ALK: variants seen among roughly 807,000 people sequenced by gnomAD.
ALK encodes ALK receptor tyrosine kinase.
Under a neutral mutation model 163.1 loss-of-function variants are expected in ALK, and 74 were observed. The ratio of observed to expected loss-of-function variants is 0.45; its 90% CI spans 0.38 to 0.55. The LOEUF (loss-of-function observed/expected upper bound fraction) is 0.55, where lower values mean the gene tolerates loss of function less well. ALK is among the 20% of genes least tolerant of loss of function. ALK has a pLI of 0.00. For synonymous variants in ALK, 960 were observed against 843.2 expected, an observed-to-expected ratio of 1.14 and a Z score of -2.40; for missense variants, 2,063 against 2,105.3, an observed-to-expected ratio of 0.98 and a Z score of 0.39.
At position 29,193,392 on chromosome 2, in the gene ALK, A is replaced by G. The variant is rs766990201; in HGVS notation, c.4695T>C (p.Asn1565=). 8 of 1,614,058 alleles carry G rather than the reference A, an allele frequency of 5.0e-6. No individual in the cohort carries two copies. The African/African-American group carries it at 6.7e-5, about 13-fold the overall frequency. The change falls in exon 29 of 29, where the codon AAT becomes AAC. Residue 1565 remains asparagine (N), a synonymous_variant. Transcript: ENST00000389048. ...GCCTGAACAGAGGTACCTCCTTCATATTGGCAGTCAGCGAAGAGGGCTCTA... is the reference window on the plus strand; with the variant it reads ...GCCTGAACAGAGGTACCTCCTTCATGTTGGCAGTCAGCGAAGAGGGCTCTA... The part of the protein sequence containing the change: ...LLLEPSSLTA[N]MKEVPLFRLR...
chr2:29,807,819 GC>G (rs1664659035), intron 1 of ALK, among the ~76,000 whole-genome samples: 1 of 152,228 alleles, frequency 6.6e-6, no homozygotes, highest in African/African-American at 2.4e-5. Context: ...TTTGGGAAAT[GC>G]TTTCCATAAC....
At chr2:29,612,798 C>T (rs72780267) in intron 3 of ALK, among the ~76,000 whole-genome samples, 1,815 of 152,266 alleles carry the variant, frequency 0.012, 13 homozygotes, top group Non-Finnish European at 0.019. Context: ...GAAGAGGTGA[C>T]AGAAAGAGGC....
intron 5 of ALK, among the ~76,000 whole-genome samples, chr2:29,343,839 C>G (rs1667871218): frequency 1.3e-5 from 2 of 152,276 alleles, no homozygotes; most frequent in Admixed American, 1.3e-4. Context: ...ACTGGCAGGT[C>G]CCCAGGTACA....
At chr2:29,407,216 A>G (rs148671003) in intron 4 of ALK, among the ~76,000 whole-genome samples, 25 of 152,346 alleles carry the variant, frequency 1.6e-4, no homozygotes, top group Admixed American at 2.0e-4. Context: ...GTTTTCTGCC[A>G]GGTTCAACCA....
At chr2:29,896,233 G>A (rs531540115) in intron 1 of ALK, among the ~76,000 whole-genome samples, 2 of 152,254 alleles carry the variant, frequency 1.3e-5, no homozygotes, top group Admixed American at 1.3e-4. Flanking sequence ...GGAGACTTAA[G>A]GTACGAAGAA....
At chr2:29,875,087 A>C (rs1666669783) in intron 1 of ALK, among the ~76,000 whole-genome samples, 1 of 152,260 alleles carries the variant, frequency 6.6e-6, no homozygotes, top group South Asian at 2.1e-4. Flanking sequence ...AGAATTATTC[A>C]CAATAGTCAA....
intron 4 of ALK, among the ~76,000 whole-genome samples, chr2:29,491,621 A>G (rs55703190): frequency 0.15 from 22,873 of 152,220 alleles, 1,928 homozygotes; most frequent in East Asian, 0.28. Flanking sequence ...CAACAAATTG[A>G]GGAGAGGAGT....
chr2:29,664,572 C>T (rs1227094166), intron 3 of ALK, among the ~76,000 whole-genome samples: 3 of 152,028 alleles, frequency 2.0e-5, no homozygotes, highest in Non-Finnish European at 4.4e-5. Context: ...GTCAAGTTAC[C>T]CCCATATTTA....
intron 3 of ALK, among the ~76,000 whole-genome samples, chr2:29,581,171 C>G (rs867620196): frequency 7.9e-5 from 12 of 152,252 alleles, no homozygotes; most frequent in Middle Eastern, 3.4e-3. Flanking sequence ...GGGCGGATCA[C>G]GAGATCAAGA....
intron 3 of ALK, among the ~76,000 whole-genome samples, chr2:29,669,424 T>C (rs1677616259): frequency 6.6e-6 from 1 of 152,094 alleles, no homozygotes; most frequent in Admixed American, 6.6e-5. Context: ...GCTCCTGTCC[T>C]TTTTTGGATT....
intron 4 of ALK, among the ~76,000 whole-genome samples, chr2:29,515,985 A>G (rs1672651482): frequency 1.3e-5 from 2 of 152,176 alleles, no homozygotes; most frequent in Admixed American, 6.5e-5. Context: ...GGCCAGCTCA[A>G]GCTTGGCCGA....
chr2:29,232,569 T>C (rs1239650527), intron 14 of ALK, 121 bp from the exon 15 acceptor site: 16 of 1,368,046 alleles, frequency 1.2e-5, no homozygotes, highest in Non-Finnish European at 1.6e-5. Flanking sequence ...TGGTGACCTC[T>C]CAGTGGTCTG....
chr2:29,753,521 G>A (rs866973970), intron 1 of ALK, among the ~76,000 whole-genome samples: 1 of 152,136 alleles, frequency 6.6e-6, no homozygotes, highest in Admixed American at 6.5e-5. Flanking sequence ...GAAAAATAAA[G>A]ATTGTTTACA....
intron 19 of ALK, among the ~76,000 whole-genome samples, chr2:29,224,384 A>T (rs1227726767): frequency 6.6e-6 from 1 of 152,072 alleles, no homozygotes; most frequent in Non-Finnish European, 1.5e-5. Context: ...TGTTTCCCTA[A>T]CCACTGCCAC....
At chr2:29,541,670 A>T (rs112727574) in intron 3 of ALK, among the ~76,000 whole-genome samples, 2,496 of 152,304 alleles carry the variant, frequency 0.016, 74 homozygotes, top group African/African-American at 0.056. Flanking sequence ...TATCTATTTG[A>T]CATATTTTCA....
intron 1 of ALK, among the ~76,000 whole-genome samples, chr2:29,786,327 T>A (rs2148354074): frequency 6.6e-6 from 1 of 152,290 alleles, no homozygotes; most frequent in African/African-American, 2.4e-5. Flanking sequence ...TGGCACTCTC[T>A]AACTATATGA....
At chr2:29,806,283 T>A (rs1449407804) in intron 1 of ALK, among the ~76,000 whole-genome samples, 2 of 151,630 alleles carry the variant, frequency 1.3e-5, no homozygotes, top group Non-Finnish European at 2.9e-5. Flanking sequence ...TGGGGAGAGG[T>A]GTGGGATGCT....
chr2:29,388,149 T>A (rs535220612), intron 4 of ALK, among the ~76,000 whole-genome samples: 1 of 152,224 alleles, frequency 6.6e-6, no homozygotes, highest in Non-Finnish European at 1.5e-5. Flanking sequence ...TAGCTCTATA[T>A]GTTTAAAGAA....
intron 1 of ALK, among the ~76,000 whole-genome samples, chr2:29,882,802 C>G (rs1312714625): frequency 6.6e-6 from 1 of 152,084 alleles, no homozygotes; most frequent in Admixed American, 6.6e-5. Flanking sequence ...TCCAGGACAC[C>G]CAGTTAAATT....
Sources: gnomAD v4.1 joint callset for allele counts (sites outside exome capture counted in the v4.1 genomes callset) on GRCh38, gnomAD v4.1.1 for gene constraint, MANE v1.5 for transcripts, NCBI Gene and HGNC (gene_info 2026-07-23, HGNC 2026-07-21) for gene names.